The following SPMAP1 variants were observed in gnomAD, a reference collection of about 807,000 sequenced individuals.
SPMAP1 encodes the protein uncharacterized protein C17orf98.
At chr17:38,840,162 C>G in the SPMAP1 span, among the ~76,000 whole-genome samples, 1 of 152,090 alleles carries the variant, frequency 6.6e-6, no homozygotes, top group African/African-American at 2.4e-5. Flanking sequence ...TGAGAGGTGT[C>G]CCTCCCATCA....
the SPMAP1 span, chr17:38,841,297 G>A: frequency 1.9e-6 from 3 of 1,614,174 alleles, no homozygotes; most frequent in South Asian, 1.1e-5. Flanking sequence ...TGGGCCTAGA[G>A]CGCCCATAAG....
At chr17:38,837,146 C>T in the SPMAP1 span, 15 of 1,609,746 alleles carry the variant, frequency 9.3e-6, no homozygotes, top group Non-Finnish European at 1.3e-5. Flanking sequence ...CTTGCCTGTC[C>T]CTGCCCAATT....
the SPMAP1 span, among the ~76,000 whole-genome samples, chr17:38,840,799 A>G: frequency 1.5e-4 from 23 of 150,924 alleles, no homozygotes; most frequent in African/African-American, 5.4e-4. Flanking sequence ...ATCAGACCCT[A>G]TAATTACAGG....
At chr17:38,835,268 A>G in the SPMAP1 span, 1 of 1,614,156 alleles carries the variant, frequency 6.2e-7, no homozygotes, top group Non-Finnish European at 8.5e-7. Context: ...GCGGTAGCCA[A>G]ACCTTCCATT....
At chr17:38,841,089 C>T in the SPMAP1 span, 1 of 785,400 alleles carries the variant, frequency 1.3e-6, no homozygotes, top group Non-Finnish European at 2.0e-6. Context: ...GAAAGTAAAC[C>T]GAGGAGGTGA....
the SPMAP1 span, chr17:38,835,112 G>A: frequency 1.1e-5 from 17 of 1,491,696 alleles, no homozygotes; most frequent in East Asian, 4.5e-5. Flanking sequence ...TTTTTTTAAC[G>A]TAAAATAACA....
chr17:38,835,843 C>T, the SPMAP1 span, among the ~76,000 whole-genome samples: 8 of 152,184 alleles, frequency 5.3e-5, no homozygotes, highest in African/African-American at 1.9e-4. Context: ...TGTTGTTAAC[C>T]TGGGCCTGGA....
At chr17:38,836,524 C>T in the SPMAP1 span, among the ~76,000 whole-genome samples, 1 of 151,318 alleles carries the variant, frequency 6.6e-6, no homozygotes, top group Non-Finnish European at 1.5e-5. Context: ...TGCGCAAGCC[C>T]AGGAGGTCAA....
At chr17:38,838,451 T>G in the SPMAP1 span, among the ~76,000 whole-genome samples, 1 of 150,836 alleles carries the variant, frequency 6.6e-6, no homozygotes, top group African/African-American at 2.4e-5. Flanking sequence ...AATACAAAAA[T>G]TAGCCAGGTG....
At chr17:38,837,083 C>G in the SPMAP1 span, 1 of 1,219,552 alleles carries the variant, frequency 8.2e-7, no homozygotes, top group South Asian at 1.2e-5. Flanking sequence ...TTCCCCTCAA[C>G]CAGGCCTTGC....
chr17:38,837,058 C>T, the SPMAP1 span: 1 of 892,498 alleles, frequency 1.1e-6, no homozygotes, highest in Admixed American at 1.7e-5. Flanking sequence ...TGGAAGGATG[C>T]AGTCCCTTTG....
chr17:38,835,662 G>GA, the SPMAP1 span, among the ~76,000 whole-genome samples: 1 of 152,168 alleles, frequency 6.6e-6, no homozygotes, highest in Non-Finnish European at 1.5e-5. Flanking sequence ...CAAGAAATGA[G>GA]AAAAATCTCA....
chr17:38,841,380 G>A, the SPMAP1 span: 1 of 1,613,980 alleles, frequency 6.2e-7, no homozygotes, highest in East Asian at 2.2e-5. Flanking sequence ...CACTCGCTCA[G>A]GTACGCCATC....
the SPMAP1 span, chr17:38,835,162 C>A: frequency 6.2e-7 from 1 of 1,607,720 alleles, no homozygotes; most frequent in Non-Finnish European, 8.5e-7. Flanking sequence ...AAATTCAGGT[C>A]GATGGCTATG....
the SPMAP1 span, chr17:38,835,339 A>G: frequency 1.4e-5 from 23 of 1,614,098 alleles, no homozygotes; most frequent in South Asian, 2.5e-4. Context: ...CCTGCTGGAG[A>G]GAATGCCCTT....
At chr17:38,841,213 C>G in the SPMAP1 span, 1 of 1,614,158 alleles carries the variant, frequency 6.2e-7, no homozygotes, top group Non-Finnish European at 8.5e-7. Flanking sequence ...GGGGCGGAAC[C>G]ACGTGACTCT....
the SPMAP1 span, among the ~76,000 whole-genome samples, chr17:38,836,938 GACC>G: frequency 6.0e-5 from 9 of 149,546 alleles, no homozygotes; most frequent in Non-Finnish European, 4.4e-5. Context: ...GATAGAGTGA[GACC>G]ACGTCTCAAA....
chr17:38,841,408 G>C, the SPMAP1 span: 1 of 1,611,932 alleles, frequency 6.2e-7, no homozygotes, highest in South Asian at 1.1e-5. Context: ...CCGTAGCCTC[G>C]GAGGGCCTTT....
chr17:38,841,267 C>T, the SPMAP1 span: 5 of 1,614,052 alleles, frequency 3.1e-6, no homozygotes, highest in Non-Finnish European at 3.4e-6. Flanking sequence ...CGTTGTAGGG[C>T]GGAATCGCCG....
Sources: allele counts gnomAD v4.1 joint callset (sites outside exome capture counted in the v4.1 genomes callset), GRCh38; gene constraint gnomAD v4.1.1; transcripts MANE v1.5; gene names NCBI Gene and HGNC (gene_info 2026-07-23, HGNC 2026-07-21).